C11orf65: variants seen among roughly 807,000 people sequenced by gnomAD.
C11orf65 encodes the protein protein MFI.
Under a neutral mutation model 35.3 loss-of-function variants are expected in C11orf65, and 38 were observed. That is an observed-to-expected ratio of 1.08 (90% CI 0.83 to 1.41). The LOEUF (loss-of-function observed/expected upper bound fraction) is 1.41, where lower values mean the gene tolerates loss of function less well. Ranked by LOEUF, C11orf65 falls within the 40% of genes most tolerant of loss-of-function variation. The pLI, the probability that C11orf65 is intolerant of heterozygous loss-of-function variation, is 0.00. For missense variants in C11orf65, 370 were observed against 367.1 expected (o/e 1.01, Z -0.06); for synonymous variants, 105 against 114.4 (o/e 0.92, Z 0.53).
At chr11:108,456,089 A>G (rs1263347821) in intron 2 of C11orf65, among the ~76,000 whole-genome samples, 1 of 151,402 alleles carries the variant, frequency 6.6e-6, no homozygotes, top group Non-Finnish European at 1.5e-5. Flanking sequence ...TGGGAGGTGG[A>G]GATTTCAGTG....
At chr11:108,376,082 C>T (rs960226129) in intron 2 of C11orf65, among the ~76,000 whole-genome samples, 1 of 152,116 alleles carries the variant, frequency 6.6e-6, no homozygotes, top group African/African-American at 2.4e-5. Flanking sequence ...ATCAACGAGA[C>T]AAAAAGTCAA....
chr11:108,342,943 A>C (rs1470372807), intron 2 of C11orf65, among the ~76,000 whole-genome samples: 2 of 152,196 alleles, frequency 1.3e-5, no homozygotes, highest in African/African-American at 2.4e-5. Context: ...ATGACAGATG[A>C]CGGTGAGTAT....
At chr11:108,452,805 G>T (rs1242802644) in intron 2 of C11orf65, among the ~76,000 whole-genome samples, 1 of 152,030 alleles carries the variant, frequency 6.6e-6, no homozygotes, top group African/African-American at 2.4e-5. Flanking sequence ...ACACACCATG[G>T]AATACTATGC....
intron 6 of C11orf65, chr11:108,326,189 G>A (rs2136338348): frequency 6.2e-7 from 1 of 1,614,088 alleles, no homozygotes. Flanking sequence ...GTATTCTCAA[G>A]CAAATGATCA....
chr11:108,444,565 C>T (rs1029321253), intron 2 of C11orf65, among the ~76,000 whole-genome samples: 5 of 152,134 alleles, frequency 3.3e-5, no homozygotes, highest in African/African-American at 1.2e-4. Context: ...TGCAAAAACC[C>T]TCCATAAAAT....
chr11:108,379,036 A>G (rs1375916490), downstream of C11orf65, among the ~76,000 whole-genome samples: 2 of 152,142 alleles, frequency 1.3e-5, no homozygotes, highest in Non-Finnish European at 2.9e-5. Flanking sequence ...GTGGGACTGT[A>G]AACTAGTTCA....
chr11:108,453,578 CA>C (rs970684066), intron 2 of C11orf65, among the ~76,000 whole-genome samples: 3 of 152,100 alleles, frequency 2.0e-5, no homozygotes, highest in African/African-American at 4.8e-5. Context: ...AGGTACTCAC[CA>C]AAAGAACACT....
At chr11:108,366,751 T>C (rs2091353411) in intron 2 of C11orf65, 1 of 231,000 alleles carries the variant, frequency 4.3e-6, no homozygotes, top group Non-Finnish European at 8.6e-6. Flanking sequence ...CTTGTGCTAG[T>C]GGGCAGAATA....
At chr11:108,468,076 C>G (rs943508127), upstream of C11orf65, among the ~76,000 whole-genome samples, 1 of 152,124 alleles carries the variant, frequency 6.6e-6, no homozygotes, top group Non-Finnish European at 1.5e-5. Flanking sequence ...CAGCGATCCC[C>G]CCCTACCCCA....
intron 1 of C11orf65, among the ~76,000 whole-genome samples, chr11:108,461,929 T>C (rs1324527302): frequency 1.3e-5 from 2 of 151,940 alleles, no homozygotes; most frequent in African/African-American, 4.8e-5. Context: ...CCTAAAATTA[T>C]TTTATATGCT....
intron 2 of C11orf65, among the ~76,000 whole-genome samples, chr11:108,458,564 A>G (rs192562656): frequency 5.3e-5 from 8 of 152,170 alleles, no homozygotes; most frequent in African/African-American, 1.4e-4. Context: ...ACTAGACCAG[A>G]TATCATTGGG....
chr11:108,356,405 G>A (rs774849116), intron 2 of C11orf65, among the ~76,000 whole-genome samples: 26 of 151,790 alleles, frequency 1.7e-4, no homozygotes, highest in Non-Finnish European at 2.4e-4. Context: ...GCGTGATGGC[G>A]GGCACCTGTA....
intron 1 of C11orf65, among the ~76,000 whole-genome samples, chr11:108,462,018 A>T (rs933993773): frequency 2.0e-5 from 3 of 152,222 alleles, no homozygotes; most frequent in Non-Finnish European, 4.4e-5. Flanking sequence ...AAGATTTTGT[A>T]TCAAAATAAT....
chr11:108,336,156 A>T, intron 2 of C11orf65: 1 of 493,848 alleles, frequency 2.0e-6, no homozygotes, highest in Non-Finnish European at 3.7e-6. Context: ...AAAAAAAAAA[A>T]GCCAGAGATG....
chr11:108,320,197 CT>C, intron 6 of C11orf65: 1 of 685,412 alleles, frequency 1.5e-6, no homozygotes, highest in Non-Finnish European at 2.5e-6. Flanking sequence ...CAGATGTTTC[CT>C]TGTAATTCTC....
At chr11:108,365,259 G>A (rs1442055548) in intron 2 of C11orf65, 2 of 1,614,184 alleles carry the variant, frequency 1.2e-6, no homozygotes, top group Non-Finnish European at 1.7e-6. Flanking sequence ...CAGTTTTTCA[G>A]ATTTTCTTAT....
At chr11:108,465,117 C>T (rs2093519232) in intron 1 of C11orf65, among the ~76,000 whole-genome samples, 1 of 152,208 alleles carries the variant, frequency 6.6e-6, no homozygotes. Flanking sequence ...TAATTCATCA[C>T]AATTTCATCA....
intron 3 of C11orf65, chr11:108,335,134 G>A (rs2086696642): frequency 3.1e-6 from 5 of 1,613,724 alleles, no homozygotes; most frequent in Non-Finnish European, 4.2e-6. Flanking sequence ...CTCTGGCTTA[G>A]CCCTTAGAGT....
chr11:108,338,577 A>G (rs960118939), intron 2 of C11orf65, among the ~76,000 whole-genome samples: 4 of 152,132 alleles, frequency 2.6e-5, no homozygotes, highest in African/African-American at 9.7e-5. Context: ...ATTGCTTGAA[A>G]TCAGGAGTTT....
Sources: allele counts gnomAD v4.1 joint callset (sites outside exome capture counted in the v4.1 genomes callset), GRCh38; gene constraint gnomAD v4.1.1; transcripts MANE v1.5; gene names NCBI Gene and HGNC (gene_info 2026-07-23, HGNC 2026-07-21).